Variants in NRXN3 observed in about 807,000 individuals in gnomAD.
NRXN3 encodes neurexin III.
NRXN3 carries 32 observed loss-of-function variants against 137.6 expected under a neutral mutation model. The ratio of observed to expected loss-of-function variants is 0.23; its 90% CI spans 0.18 to 0.31. The LOEUF (loss-of-function observed/expected upper bound fraction) is 0.31. NRXN3 is among the 10% of genes least tolerant of loss of function. The probability of loss-of-function intolerance (pLI) is 1.00; values close to 1 mark genes in which losing one functional copy is unlikely to be tolerated. For synonymous variants in NRXN3, 798 were observed against 784.5 expected (o/e 1.02, Z -0.29); for missense variants, 1,574 against 2,062.5 (o/e 0.76, Z 4.59).
At chr14:79,699,744 TTCTCCAATAGCCTC>T (rs2098748067) in intron 19 of NRXN3, among the ~76,000 whole-genome samples, 1 of 152,060 alleles carries the variant, frequency 6.6e-6, no homozygotes, top group Admixed American at 6.6e-5. Flanking sequence ...TGGGAATGCC[TTCTCCAATAGCCTC>T]TCTCTGGCAT....
intron 1 of NRXN3, among the ~76,000 whole-genome samples, chr14:78,203,130 A>G (rs748218592): frequency 4.6e-5 from 7 of 152,122 alleles, no homozygotes; most frequent in Non-Finnish European, 1.0e-4. Context: ...ATGTCCATAG[A>G]GAGGGCTTTC....
intron 8 of NRXN3, among the ~76,000 whole-genome samples, chr14:78,760,157 G>A (rs1330368087): frequency 6.9e-6 from 1 of 144,946 alleles, no homozygotes; most frequent in East Asian, 2.1e-4. Context: ...TGATTCTTCT[G>A]CCTCAGCCTC....
intron 15 of NRXN3, among the ~76,000 whole-genome samples, chr14:79,035,140 A>G (rs776097109): frequency 3.4e-4 from 52 of 152,108 alleles, no homozygotes; most frequent in Non-Finnish European, 5.6e-4. Flanking sequence ...ATGTAAACCT[A>G]TTTTTTAAAT....
chr14:78,461,540 G>C (rs923252594), intron 4 of NRXN3, among the ~76,000 whole-genome samples: 2 of 152,202 alleles, frequency 1.3e-5, no homozygotes, highest in African/African-American at 2.4e-5. Flanking sequence ...CCTAGTTTGT[G>C]TTCAGGTAAT....
At chr14:78,552,579 T>C (rs991796140) in intron 4 of NRXN3, among the ~76,000 whole-genome samples, 5 of 152,124 alleles carry the variant, frequency 3.3e-5, no homozygotes, top group Non-Finnish European at 7.4e-5. Context: ...AGCAGGAGGA[T>C]TGCTGGAGCC....
intron 10 of NRXN3, among the ~76,000 whole-genome samples, chr14:78,926,909 AATAT>A: frequency 3.5e-5 from 1 of 28,864 alleles, no homozygotes; most frequent in East Asian, 2.2e-3. Flanking sequence ...TAATATATAT[AATAT>A]ATATATAATA....
rs116139877 is a variant in NRXN3, at chr14:78,270,510, G to A, written c.710-8135G>A. On this transcript the variant is annotated intron_variant, in intron 2 of 20. Coordinates refer to ENST00000335750, the MANE Select transcript of NRXN3 (RefSeq NM_001330195.2). The stretch of plus-strand genomic sequence containing the variant: ...CCAAGGCCCTCACCCTGCCGTGTGG[G>A]AGACTACTGCAGGTGCCAACCTCAT... 7.2e-3 allele frequency among the ~76,000 whole-genome samples: 1,096 copies of A among 152,316 alleles called. 13 individuals are homozygous for A. Among genetic ancestry groups the A allele is most frequent in the African/African-American group, 0.025 (1,033 of 41,566 alleles).
intron 16 of NRXN3, among the ~76,000 whole-genome samples, chr14:79,511,415 C>T (rs1050940099): frequency 2.6e-5 from 4 of 152,180 alleles, no homozygotes; most frequent in African/African-American, 4.8e-5. Flanking sequence ...GCTGTTACTC[C>T]GTGATCCCCA....
At chr14:79,770,206 A>G (rs2099072427) in intron 19 of NRXN3, among the ~76,000 whole-genome samples, 1 of 152,138 alleles carries the variant, frequency 6.6e-6, no homozygotes, top group African/African-American at 2.4e-5. Flanking sequence ...TTAACATTAG[A>G]CAGATCAATG....
At chr14:78,515,292 C>T (rs909393442) in intron 4 of NRXN3, among the ~76,000 whole-genome samples, 1 of 152,112 alleles carries the variant, frequency 6.6e-6, no homozygotes, top group African/African-American at 2.4e-5. Flanking sequence ...TGACCTATTA[C>T]AAGAGTGGGG....
chr14:78,766,428 T>G (rs1033204441), intron 8 of NRXN3, among the ~76,000 whole-genome samples: 2 of 151,990 alleles, frequency 1.3e-5, no homozygotes, highest in Non-Finnish European at 2.9e-5. Context: ...GCCTTTAGAG[T>G]CCTTAAAAAA....
intron 4 of NRXN3, among the ~76,000 whole-genome samples, chr14:78,403,191 C>T (rs1454210706): frequency 6.6e-6 from 1 of 152,180 alleles, no homozygotes; most frequent in Non-Finnish European, 1.5e-5. Context: ...ACTTTTGCAG[C>T]TACCTTGAAA....
chr14:79,810,559 T>C (rs1182652116), intron 20 of NRXN3, among the ~76,000 whole-genome samples: 9 of 152,232 alleles, frequency 5.9e-5, no homozygotes, highest in Non-Finnish European at 2.9e-5. Flanking sequence ...ATCTACAATA[T>C]TCACATTTGC....
At chr14:78,265,402 A>G (rs1402802551) in intron 2 of NRXN3, among the ~76,000 whole-genome samples, 1 of 152,174 alleles carries the variant, frequency 6.6e-6, no homozygotes, top group Non-Finnish European at 1.5e-5. Context: ...AGGTGACGAG[A>G]CAGATGATAT....
intron 15 of NRXN3, among the ~76,000 whole-genome samples, chr14:79,153,732 C>T (rs1203283790): frequency 2.0e-5 from 3 of 151,918 alleles, no homozygotes; most frequent in African/African-American, 7.2e-5. Flanking sequence ...ATAAATGACT[C>T]GTTGGTAATT....
At chr14:79,438,606 A>T (rs902943579) in intron 15 of NRXN3, among the ~76,000 whole-genome samples, 10 of 152,236 alleles carry the variant, frequency 6.6e-5, no homozygotes, top group African/African-American at 2.4e-4. Flanking sequence ...CTAACTGAGT[A>T]GAGCAGCAAC....
intron 15 of NRXN3, among the ~76,000 whole-genome samples, chr14:79,308,890 A>T (rs866547338): frequency 0.012 from 826 of 71,010 alleles, 6 homozygotes; most frequent in Middle Eastern, 0.029. Flanking sequence ...ATTTTATTTT[A>T]TTTTTTTTTA....
At chr14:78,376,863 G>A (rs1202666387) in intron 4 of NRXN3, among the ~76,000 whole-genome samples, 1 of 152,190 alleles carries the variant, frequency 6.6e-6, no homozygotes, top group Non-Finnish European at 1.5e-5. Flanking sequence ...CGAGTGGATT[G>A]TGATAAGTTA....
chr14:78,842,227 C>G (rs2099014551), intron 10 of NRXN3, among the ~76,000 whole-genome samples: 1 of 152,038 alleles, frequency 6.6e-6, no homozygotes, highest in Non-Finnish European at 1.5e-5. Context: ...AAAATTCACC[C>G]CCAATATTTC....
Sources: allele counts gnomAD v4.1 joint callset (sites outside exome capture counted in the v4.1 genomes callset), GRCh38; gene constraint gnomAD v4.1.1; transcripts MANE v1.5; gene names NCBI Gene and HGNC (gene_info 2026-07-23, HGNC 2026-07-21).